The following PLOD1 variants were observed in gnomAD, a reference collection of about 807,000 sequenced individuals.
PLOD1 encodes lysine hydroxylase.
In PLOD1, 70 loss-of-function variants were observed where a neutral mutation model predicts 94.7. That is an observed-to-expected ratio of 0.74 (90% CI 0.61 to 0.90). PLOD1 has a LOEUF of 0.90. Among genes scored for constraint, PLOD1 ranks in the 40% least tolerant of loss-of-function variants. The probability of loss-of-function intolerance (pLI) is 0.00; values close to 1 mark genes in which losing one functional copy is unlikely to be tolerated. For missense variants in PLOD1, 905 were observed against 972.7 expected (o/e 0.93, Z 0.93); for synonymous variants, 417 against 400.2 (o/e 1.04, Z -0.50).
Position 11,950,477 on chromosome 1 carries a change from G to A in PLOD1, c.423G>A (p.Lys141=). Reference sequence around the variant, plus strand: ...ACCCAGACCGCAGGCTGGAGACCAAGTATCCGGTGGTGTCCGATGGCAAGA... The same window carrying A: ...ACCCAGACCGCAGGCTGGAGACCAAATATCCGGTGGTGTCCGATGGCAAGA... ...LIYPDRRLET[K]YPVVSDGKRF... Residue 141 remains lysine (K), a synonymous_variant, in exon 4 of 19, where the codon AAG becomes AAA. Transcript: ENST00000196061. The A allele has an allele frequency of 1.2e-6, 2 of 1,614,162 alleles. No homozygotes were observed. The highest frequency in any genetic ancestry group is 2.2e-5 in the East Asian group (1 of 44,880).
At chr1:11,937,286 C>T (rs1234918388) in intron 1 of PLOD1, among the ~76,000 whole-genome samples, 2 of 152,196 alleles carry the variant, frequency 1.3e-5, no homozygotes, top group African/African-American at 2.4e-5. Flanking sequence ...TACTACCTCA[C>T]GCCTGGAGCT....
rs180795740 is a variant in PLOD1, at chr1:11,965,400, C to G, written c.1471-80C>G. On this transcript the variant is annotated intron_variant, in intron 13 of 18. Coordinates refer to ENST00000196061, the MANE Select transcript of PLOD1 (RefSeq NM_000302.4). The stretch of plus-strand genomic sequence containing the variant: ...GGGTGGAGGAGGCTGCACTGTTGCC[C>G]GTCTGGGAGCGTGCAGGGGAGGGGT... 653 of 805,382 alleles carry G rather than the reference C, an allele frequency of 8.1e-4. 4 individuals are homozygous for G. In the African/African-American group the frequency reaches 0.01, roughly 13 times the overall value. The allele number at this position is 805,382 out of a possible 1,614,324, so 49.9% of individuals were successfully genotyped here.
Position 11,970,705 on chromosome 1 carries a change from G to C in PLOD1, c.1791G>C (p.Pro597=), listed in dbSNP as rs151051718. ...NRIQGGYENV[P]TIDIHMNQIG... The stretch of plus-strand genomic sequence containing the variant: ...TCCAGGGTGGCTACGAGAACGTGCC[G>C]ACTATTGACATCCACATGAACCAGA... The change falls in exon 17 of 19, where the codon CCG becomes CCC. Residue 597 remains proline, a synonymous_variant. Coordinates refer to ENST00000196061, the MANE Select transcript of PLOD1 (RefSeq NM_000302.4). 2.2e-5 allele frequency: 36 copies of C among 1,613,020 alleles called. No individual in the cohort carries two copies. The highest frequency in any genetic ancestry group is 3.3e-4 in the Middle Eastern group (2 of 6,084).
rs1345561915 is a variant in PLOD1, at chr1:11,972,678, C to A, written c.1903-194C>A. 3 of 567,504 alleles carry A rather than the reference C, an allele frequency of 5.3e-6. No homozygotes were observed. Among genetic ancestry groups the A allele is most frequent in the Admixed American group, 2.5e-5 (1 of 40,140 alleles). 35.2% of individuals were successfully genotyped at this position (567,504 alleles called of 1,614,324 possible). On this transcript the variant is annotated intron_variant, in intron 17 of 18. Coordinates refer to ENST00000196061, the MANE Select transcript of PLOD1 (RefSeq NM_000302.4). This position sits in a 1 kb window ranked among gnomAD's most constrained non-coding sequence, Gnocchi z 4.6. ...CCTTCCCTCCCTCTCTCCCCTCTGT[C>A]CATACATTTTTGTTGAGAACCTTTT...
At chr1:11,962,066 G>GGT (rs1296153023) in intron 10 of PLOD1, among the ~76,000 whole-genome samples, 2 of 152,098 alleles carry the variant, frequency 1.3e-5, no homozygotes, top group Non-Finnish European at 2.9e-5. Flanking sequence ...TGGGATTACA[G>GGT]GTGTGAGCCA....
chr1:11,964,712 T>G lies in PLOD1; in HGVS notation c.1397T>G (p.Leu466Arg). ...LIKGSALRGELQSSDLFHHSK... is the reference protein window; with the variant it reads ...LIKGSALRGERQSSDLFHHSK... The stretch of plus-strand genomic sequence containing the variant: ...AAGGGCAGTGCCCTGCGGGGTGAGC[T>G]GCAGTCCTCAGATCTCTTCCACCAC... The change falls in exon 13 of 19, where the codon CTG becomes CGG. Residue 466 changes from leucine (L) to arginine (R), a missense_variant. Transcript: ENST00000196061. 4 of 1,613,560 alleles carry G rather than the reference T, an allele frequency of 2.5e-6. No homozygotes were observed. The highest frequency in any genetic ancestry group is 3.4e-6 in the Non-Finnish European group (4 of 1,179,904).
intron 1 of PLOD1, chr1:11,944,441 A>ACACACACACT (rs1645635786): frequency 1.1e-6 from 1 of 890,044 alleles, no homozygotes; most frequent in South Asian, 1.4e-5. Context: ...ACACACACAC[A>ACACACACACT]CACACACACA....
At chr1:11,946,855 G>C (rs1569679508) in intron 1 of PLOD1, among the ~76,000 whole-genome samples, 1 of 152,200 alleles carries the variant, frequency 6.6e-6, no homozygotes, top group Non-Finnish European at 1.5e-5. Flanking sequence ...GGCTGTACAA[G>C]CATACCACCA....
intron 14 of PLOD1, 82 bp from the exon 15 acceptor site, chr1:11,966,169 C>T: frequency 9.8e-7 from 1 of 1,017,398 alleles, no homozygotes; most frequent in South Asian, 1.4e-5. Context: ...CACCTTCACT[C>T]CCACTTTGAG....
chr1:11,947,038 G>T (rs1440663104), intron 1 of PLOD1, among the ~76,000 whole-genome samples: 2 of 152,244 alleles, frequency 1.3e-5, no homozygotes, highest in East Asian at 1.9e-4. Flanking sequence ...GGAGGCCAAG[G>T]CGTGTGGATC....
chr1:11,965,731 G>A (rs78416567), intron 14 of PLOD1, 138 bp downstream of exon 14: 105 of 635,678 alleles, frequency 1.7e-4, no homozygotes, highest in African/African-American at 1.6e-3. Context: ...ACCCCAGGAG[G>A]CTATAGGGCA....
Position 11,972,635 on chromosome 1 carries a change from C to T in PLOD1, c.1903-237C>T, listed in dbSNP as rs1645874281. ...CCTCCCTCCCTCCCTTCCTTTCTTCCTTCCCCTCTGTTCTCTTCCTTCCCT... is the reference window on the plus strand; with the variant it reads ...CCTCCCTCCCTCCCTTCCTTTCTTCTTTCCCCTCTGTTCTCTTCCTTCCCT... On this transcript the variant is annotated intron_variant, in intron 17 of 18. Transcript: ENST00000196061. This position sits in a 1 kb window ranked among gnomAD's most constrained non-coding sequence, Gnocchi z 4.6. The T allele has an allele frequency of 1.8e-5, 8 of 456,920 alleles. No individual in the cohort carries two copies. The highest frequency in any genetic ancestry group is 2.8e-5 in the Non-Finnish European group (7 of 248,682). 28.3% of individuals were successfully genotyped at this position (456,920 alleles called of 1,614,324 possible).
rs1443553495 is a variant in PLOD1 at position 11,957,330 on chromosome 1, T to C, written c.741+316T>C. 5.7e-6 allele frequency: 3 copies of C among 523,904 alleles called. No homozygotes were observed. Among genetic ancestry groups the C allele is most frequent in the African/African-American group, 5.7e-5 (3 of 52,942 alleles). 32.5% of individuals were successfully genotyped at this position (523,904 alleles called of 1,614,324 possible). A position where few individuals can be genotyped will look rare whatever the true frequency, so the allele number is the denominator to read the frequency against. On this transcript the variant is annotated intron_variant, in intron 7 of 18. Transcript: ENST00000196061. This position sits in a 1 kb window ranked among gnomAD's most constrained non-coding sequence, Gnocchi z 4.1. ...GAGTCACTTATTCACTCAGTAAACC[T>C]TTATTTCATGTTTGCACCAGACAGT...
In PLOD1 at chr1:11,948,026, C is replaced by T. The variant is rs778603432; in HGVS notation, c.127C>T (p.Arg43Cys). 28 of 1,613,824 alleles carry T rather than the reference C, an allele frequency of 1.7e-5. No homozygotes were observed. The highest frequency in any genetic ancestry group is 2.2e-5 in the East Asian group (1 of 44,894). ...VATKETEGFR[R>C]FKRSAQFFNY... is the part of the protein sequence containing the mutation. Reference sequence around the variant, plus strand: ...CACTAAGGAGACCGAGGGATTCCGTCGCTTCAAGCGCTCAGCTCAGTTCTT... The same window carrying T: ...CACTAAGGAGACCGAGGGATTCCGTTGCTTCAAGCGCTCAGCTCAGTTCTT... The change falls in exon 2 of 19, where the codon CGC (arginine) becomes TGC (cysteine). Residue 43 changes from arginine (R) to cysteine (C), a missense_variant. Arg to Cys is a radical substitution (Grantham distance 180). Transcript: ENST00000196061.
chr1:11,949,666 C>A, intron 2 of PLOD1, 107 bp from the exon 3 acceptor site: 6 of 1,146,416 alleles, frequency 5.2e-6, no homozygotes, highest in Admixed American at 1.9e-5. Context: ...GTGGTCCACA[C>A]GTCTCGGCCT....
At chr1:11,961,151 A>G (rs1210816713) in intron 10 of PLOD1, among the ~76,000 whole-genome samples, 1 of 152,122 alleles carries the variant, frequency 6.6e-6, no homozygotes. Context: ...TGAGAGGCCA[A>G]AGTTGAAGGA....
intron 6 of PLOD1, 89 bp downstream of exon 6, chr1:11,954,982 G>A: frequency 9.6e-7 from 1 of 1,045,212 alleles, no homozygotes; most frequent in Non-Finnish European, 1.5e-6. Flanking sequence ...GGAGAAATGG[G>A]CTGCTTCTTT....
Position 11,956,441 on chromosome 1 carries a change from G to T in PLOD1, c.644-476G>T, listed in dbSNP as rs76559111. On this transcript the variant is annotated intron_variant, in intron 6 of 18. Transcript: ENST00000196061. ...ACATGAGTATTGGAACCCTGCTGCAGGGGCTCCCTCCACTGGGACAAGATC... is the reference window on the plus strand; with the variant it reads ...ACATGAGTATTGGAACCCTGCTGCATGGGCTCCCTCCACTGGGACAAGATC... Among the ~76,000 whole-genome samples, 430 of 152,248 alleles carry T rather than the reference G, an allele frequency of 2.8e-3. 15 individuals carry two copies. The East Asian group carries it at 0.061, about 22-fold the overall frequency.
At chr1:11,938,530 T>C (rs1645595146) in intron 1 of PLOD1, among the ~76,000 whole-genome samples, 1 of 152,152 alleles carries the variant, frequency 6.6e-6, no homozygotes, top group African/African-American at 2.4e-5. Context: ...TTGCTCATCT[T>C]CCCTGCAGGT....
Sources: gnomAD v4.1 joint callset for allele counts (sites outside exome capture counted in the v4.1 genomes callset) on GRCh38, gnomAD v4.1.1 for gene constraint, Gnocchi (gnomAD v3.1) non-coding constraint, MANE v1.5 for transcripts, NCBI Gene and HGNC (gene_info 2026-07-23, HGNC 2026-07-21) for gene names.